The following C10orf53 variants were observed in gnomAD, a reference collection of about 807,000 sequenced individuals.
The protein encoded by C10orf53 is chromosome 10 open reading frame 53, also known as UPF0728 protein C10orf53.
In C10orf53, 8 loss-of-function variants were observed where a neutral mutation model predicts 9.4. The observed-to-expected ratio is 0.85, with a 90% CI of 0.50 to 1.53. The LOEUF (loss-of-function observed/expected upper bound fraction) is 1.53, where lower values mean the gene tolerates loss of function less well. Among genes scored for constraint, C10orf53 ranks in the 40% most tolerant of loss-of-function variants. C10orf53 has a pLI of 0.00. For missense variants in C10orf53, 117 were observed against 117.8 expected (o/e 0.99, Z 0.03); for synonymous variants, 48 against 46.0 (o/e 1.04, Z -0.18).
chr10:49,687,334 G>A (rs530111812), intron 1 of C10orf53, among the ~76,000 whole-genome samples: 1 of 152,242 alleles, frequency 6.6e-6, no homozygotes, highest in African/African-American at 2.4e-5. Flanking sequence ...ATCAGTATTG[G>A]GGGGGAAACT....
chr10:49,702,117 A>C (rs541533096), downstream of C10orf53, among the ~76,000 whole-genome samples: 3 of 152,114 alleles, frequency 2.0e-5, no homozygotes, highest in South Asian at 6.2e-4. Context: ...GAATCACTTG[A>C]ATCCAGGAGG....
At position 49,694,749 on chromosome 10, in the gene C10orf53, G is replaced by T; in HGVS notation, c.*147G>T. On this transcript the variant is annotated 3_prime_UTR_variant, in exon 3 of 3. Coordinates refer to ENST00000374111, the MANE Select transcript of C10orf53 (RefSeq NM_001042427.3). Reference sequence around the variant, plus strand: ...AACTCGGGCCTGACCTCCAGCTTACGCAGCCTCAGGATTGTCACCTGGCTG... The same window carrying T: ...AACTCGGGCCTGACCTCCAGCTTACTCAGCCTCAGGATTGTCACCTGGCTG... The T allele has an allele frequency of 4.8e-6, 7 of 1,446,894 alleles. No individual in the cohort carries two copies. Among genetic ancestry groups the T allele is most frequent in the Non-Finnish European group, 6.4e-6 (7 of 1,101,366 alleles). 89.6% of individuals were successfully genotyped at this position (1,446,894 alleles called of 1,614,324 possible).
chr10:49,698,122 C>G (rs922708798), downstream of C10orf53, among the ~76,000 whole-genome samples: 1 of 152,136 alleles, frequency 6.6e-6, no homozygotes, highest in East Asian at 1.9e-4. Context: ...GAGACCTCAT[C>G]TCTACAAAAA....
rs1840636802 is a variant in C10orf53 at position 49,696,564 on chromosome 10, G to A, written c.*1962G>A. Among the ~76,000 whole-genome samples the A allele has an allele frequency of 6.6e-6, 1 of 152,222 alleles. No individual in the cohort carries two copies. The highest frequency in any genetic ancestry group is 2.4e-5 in the African/African-American group (1 of 41,450). ...GTAGCACTACAAGTGAAGAAGACCT[G>A]CCCTCCTTGGCTTCATGACCAGAGC... On this transcript the variant is annotated 3_prime_UTR_variant, in exon 3 of 3. Transcript: ENST00000374111.
At chr10:49,709,166 C>CAA (rs771143082) in exon 3 of C10orf53, 3 of 156,298 alleles carry the variant, frequency 1.9e-5, no homozygotes, top group Non-Finnish European at 4.2e-5. Context: ...TTGGTGGAAA[C>CAA]AGAGTCTTGA....
intron 1 of C10orf53, among the ~76,000 whole-genome samples, chr10:49,684,159 T>A (rs1237898000): frequency 6.6e-6 from 1 of 152,242 alleles, no homozygotes; most frequent in Non-Finnish European, 1.5e-5. Context: ...TGACTGTTCA[T>A]TCACATCAGT....
intron 1 of C10orf53, among the ~76,000 whole-genome samples, chr10:49,683,280 T>C (rs943171381): frequency 6.6e-6 from 1 of 152,228 alleles, no homozygotes; most frequent in Non-Finnish European, 1.5e-5. Context: ...TGATTGGTGA[T>C]GTTGAACATC....
intron 2 of C10orf53, 95 bp downstream of exon 2, chr10:49,693,988 T>C (rs1276039471): frequency 6.4e-7 from 1 of 1,553,788 alleles, no homozygotes; most frequent in African/African-American, 1.4e-5. Flanking sequence ...ATGCCTGGAT[T>C]CAAATTGGGT....
At chr10:49,700,384 G>A (rs1840672998), downstream of C10orf53, among the ~76,000 whole-genome samples, 1 of 152,218 alleles carries the variant, frequency 6.6e-6, no homozygotes, top group African/African-American at 2.4e-5. Flanking sequence ...TCCCCCCAAG[G>A]GGAATGAAGC....
intron 1 of C10orf53, among the ~76,000 whole-genome samples, chr10:49,689,434 C>T (rs1010569410): frequency 4.6e-5 from 7 of 152,122 alleles, no homozygotes; most frequent in Admixed American, 1.3e-4. Context: ...ATTGAACTGT[C>T]ACCTTTAGAG....
intron 2 of C10orf53, among the ~76,000 whole-genome samples, chr10:49,707,122 G>T (rs1009020951): frequency 7.3e-5 from 11 of 150,114 alleles, no homozygotes; most frequent in African/African-American, 2.7e-4. Context: ...ATCTAGCCTT[G>T]GTCACCTGCC....
intron 2 of C10orf53, among the ~76,000 whole-genome samples, chr10:49,706,755 C>T (rs757448751): frequency 2.6e-5 from 4 of 152,128 alleles, no homozygotes; most frequent in Admixed American, 6.5e-5. Context: ...TACCAAAAAA[C>T]GTCAGTTGCC....
At chr10:49,700,536 G>A (rs1214352792), downstream of C10orf53, among the ~76,000 whole-genome samples, 1 of 152,156 alleles carries the variant, frequency 6.6e-6, no homozygotes, top group Non-Finnish European at 1.5e-5. Flanking sequence ...AATACTCCGG[G>A]TTGGCGGTTG....
At chr10:49,683,906 A>G (rs1395411252) in intron 1 of C10orf53, among the ~76,000 whole-genome samples, 1 of 152,182 alleles carries the variant, frequency 6.6e-6, no homozygotes, top group Admixed American at 6.5e-5. Flanking sequence ...TAAAAAAAAG[A>G]AAGAAACCAT....
At chr10:49,699,041 A>G (rs774651372), downstream of C10orf53, among the ~76,000 whole-genome samples, 1 of 152,178 alleles carries the variant, frequency 6.6e-6, no homozygotes, top group African/African-American at 2.4e-5. Context: ...GATTTTTACT[A>G]GAGACTTTTG....
At chr10:49,688,343 A>T (rs1382403071) in intron 1 of C10orf53, among the ~76,000 whole-genome samples, 1 of 151,994 alleles carries the variant, frequency 6.6e-6, no homozygotes, top group Non-Finnish European at 1.5e-5. Context: ...GTACGCCCAG[A>T]ATTAATCCCT....
At chr10:49,704,264 C>T (rs1257643534) in intron 2 of C10orf53, among the ~76,000 whole-genome samples, 1 of 152,100 alleles carries the variant, frequency 6.6e-6, no homozygotes, top group Non-Finnish European at 1.5e-5. Context: ...TGAAAGAAGG[C>T]ATTTGCAACT....
At chr10:49,693,598 C>T (rs1840604703) in intron 1 of C10orf53, among the ~76,000 whole-genome samples, 176 bp from the exon 2 acceptor site, 1 of 152,198 alleles carries the variant, frequency 6.6e-6, no homozygotes, top group South Asian at 2.1e-4. Context: ...CTGTGCTTCC[C>T]AGCAAAGGTG....
downstream of C10orf53, among the ~76,000 whole-genome samples, chr10:49,702,221 AAGGAAGGG>A (rs1303987526): frequency 6.8e-4 from 81 of 118,632 alleles, no homozygotes; most frequent in East Asian, 2.2e-3. Flanking sequence ...AAAAGGAAGG[AAGGAAGGG>A]AGGGAGGGAG....
Sources: allele counts gnomAD v4.1 joint callset (sites outside exome capture counted in the v4.1 genomes callset), GRCh38; gene constraint gnomAD v4.1.1; transcripts MANE v1.5; gene names NCBI Gene and HGNC (gene_info 2026-07-23, HGNC 2026-07-21).